The following CDKAL1 variants were observed in gnomAD, a reference collection of about 807,000 sequenced individuals.
CDKAL1 encodes CDKAL1 threonylcarbamoyladenosine tRNA methylthiotransferase, also known as threonylcarbamoyladenosine tRNA methylthiotransferase.
Under a neutral mutation model 68.2 loss-of-function variants are expected in CDKAL1, and 32 were observed. The ratio of observed to expected loss-of-function variants is 0.47; its 90% CI spans 0.35 to 0.63. CDKAL1 has a LOEUF of 0.63. Among genes scored for constraint, CDKAL1 ranks in the 30% least tolerant of loss-of-function variants. The pLI is 0.00. For missense variants in CDKAL1, 606 were observed against 696.7 expected (o/e 0.87, Z 1.47); for synonymous variants, 234 against 244.3 (o/e 0.96, Z 0.39).
chr6:20,922,548 C>T (rs1044445342), intron 9 of CDKAL1, among the ~76,000 whole-genome samples: 8 of 152,182 alleles, frequency 5.3e-5, no homozygotes, highest in Non-Finnish European at 8.8e-5. Context: ...AGGCAAGCTG[C>T]TGCTGCTGTG....
chr6:20,743,258 T>C (rs1207488136), intron 6 of CDKAL1, among the ~76,000 whole-genome samples: 2 of 152,176 alleles, frequency 1.3e-5, no homozygotes, highest in African/African-American at 2.4e-5. Context: ...GAAGAACAAC[T>C]GTAACTGCAT....
At chr6:20,940,635 C>T (rs1375634828) in intron 9 of CDKAL1, among the ~76,000 whole-genome samples, 1 of 152,172 alleles carries the variant, frequency 6.6e-6, no homozygotes, top group Non-Finnish European at 1.5e-5. Context: ...TAGCTTACAA[C>T]AGCCTTGAAC....
At chr6:20,916,428 A>C in intron 9 of CDKAL1, among the ~76,000 whole-genome samples, 1 of 152,210 alleles carries the variant, frequency 6.6e-6, no homozygotes, top group East Asian at 1.9e-4. Flanking sequence ...ATGTTAGAGA[A>C]GTCACTGATA....
chr6:20,773,465 ATTC>A, intron 7 of CDKAL1, among the ~76,000 whole-genome samples: 1 of 152,356 alleles, frequency 6.6e-6, no homozygotes, highest in East Asian at 1.9e-4. Context: ...TTTGTATAAT[ATTC>A]TTAAATAAAA....
At chr6:21,026,031 G>A (rs182345843) in intron 11 of CDKAL1, among the ~76,000 whole-genome samples, 1 of 151,936 alleles carries the variant, frequency 6.6e-6, no homozygotes, top group East Asian at 1.9e-4. Context: ...ACATTTTATT[G>A]ACATTCTTTT....
chr6:21,193,732 T>C lies in CDKAL1; in HGVS notation c.1300-4289T>C, dbSNP rs1315850175. ...GTGTGCTTCTGCTTCTGACCTTTCA[T>C]TGTCCATCCATCACTTTCCCCTTTC... On this transcript the variant is annotated intron_variant, in intron 13 of 15. Coordinates refer to ENST00000274695, the MANE Select transcript of CDKAL1 (RefSeq NM_017774.3). Among the ~76,000 whole-genome samples the C allele has an allele frequency of 2.0e-5, 3 of 152,346 alleles. No homozygotes were observed. In the East Asian group the frequency reaches 5.8e-4, roughly 29 times the overall value.
At chr6:20,771,489 C>T (rs1187337321) in intron 7 of CDKAL1, among the ~76,000 whole-genome samples, 1 of 152,206 alleles carries the variant, frequency 6.6e-6, no homozygotes, top group Non-Finnish European at 1.5e-5. Context: ...GCCTTTACTG[C>T]TTCCCATCTC....
intron 11 of CDKAL1, among the ~76,000 whole-genome samples, chr6:21,001,608 A>T (rs1767431581): frequency 6.6e-6 from 1 of 152,216 alleles, no homozygotes; most frequent in Admixed American, 6.5e-5. Context: ...TGGAAAATAG[A>T]TCTCTACCCT....
chr6:21,116,620 A>G (rs1410974960), intron 13 of CDKAL1, among the ~76,000 whole-genome samples: 1 of 152,094 alleles, frequency 6.6e-6, no homozygotes, highest in Non-Finnish European at 1.5e-5. Flanking sequence ...GAGATTGGAA[A>G]GTTTCCTAGG....
intron 8 of CDKAL1, among the ~76,000 whole-genome samples, chr6:20,801,929 C>T (rs547168032): frequency 7.2e-5 from 11 of 152,178 alleles, no homozygotes; most frequent in Admixed American, 6.5e-4. Context: ...TGCTATTATG[C>T]AACAACTTGA....
intron 10 of CDKAL1, among the ~76,000 whole-genome samples, chr6:20,959,456 G>A (rs1039146467): frequency 1.3e-5 from 2 of 151,750 alleles, no homozygotes; most frequent in African/African-American, 4.8e-5. Flanking sequence ...ATAAGAATAA[G>A]CCCTTGAGGA....
chr6:21,200,990 G>T (rs761112302), intron 14 of CDKAL1, 120 bp from the exon 15 acceptor site: 553 of 796,386 alleles, frequency 6.9e-4, no homozygotes, highest in Non-Finnish European at 9.6e-4. Context: ...TAAGAAAACT[G>T]GGAGTTAGGT....
At chr6:20,605,421 TTTATC>T (rs1170923789) in intron 4 of CDKAL1, among the ~76,000 whole-genome samples, 2 of 152,208 alleles carry the variant, frequency 1.3e-5, no homozygotes, top group African/African-American at 4.8e-5. Flanking sequence ...TTTTTAATGA[TTTATC>T]TATTCTAACA....
intron 12 of CDKAL1, among the ~76,000 whole-genome samples, chr6:21,103,553 G>A (rs1219187419): frequency 6.6e-6 from 1 of 152,118 alleles, no homozygotes; most frequent in African/African-American, 2.4e-5. Flanking sequence ...GAATCTAGAA[G>A]TTTTACCAAA....
At chr6:20,639,278 A>G (rs924995264) in intron 4 of CDKAL1, among the ~76,000 whole-genome samples, 3 of 152,222 alleles carry the variant, frequency 2.0e-5, no homozygotes, top group South Asian at 2.1e-4. Flanking sequence ...CAAACTCATT[A>G]TATAAGTAAT....
chr6:20,563,152 T>G (rs552537828), intron 4 of CDKAL1, among the ~76,000 whole-genome samples: 1 of 152,336 alleles, frequency 6.6e-6, no homozygotes, highest in African/African-American at 2.4e-5. Flanking sequence ...AACTAATGAT[T>G]GCAGTTTGAG....
chr6:20,933,178 C>T (rs1763547961), intron 9 of CDKAL1, among the ~76,000 whole-genome samples: 1 of 152,170 alleles, frequency 6.6e-6, no homozygotes, highest in African/African-American at 2.4e-5. Context: ...TTTCTTCAGC[C>T]ATCGTAAAGA....
chr6:20,758,675 T>C (rs774788055), intron 7 of CDKAL1, 32 bp downstream of exon 7: 12 of 1,553,212 alleles, frequency 7.7e-6, no homozygotes, highest in Admixed American at 1.7e-5. Flanking sequence ...AACAGATGTA[T>C]ATATTTTCTG....
At chr6:20,996,073 C>T (rs1340378834) in intron 10 of CDKAL1, among the ~76,000 whole-genome samples, 1 of 152,220 alleles carries the variant, frequency 6.6e-6, no homozygotes, top group Non-Finnish European at 1.5e-5. Flanking sequence ...CCTCTTCTAG[C>T]TTCAAACGTC....
Sources: allele counts gnomAD v4.1 joint callset (sites outside exome capture counted in the v4.1 genomes callset), GRCh38; gene constraint gnomAD v4.1.1; transcripts MANE v1.5; gene names NCBI Gene and HGNC (gene_info 2026-07-23, HGNC 2026-07-21).